Variants in DNAJC13 observed in about 807,000 individuals in gnomAD.
The protein encoded by DNAJC13 is DnaJ heat shock protein family (Hsp40) member C13.
In DNAJC13, 75 loss-of-function variants were observed where a neutral mutation model predicts 290.5. The ratio of observed to expected loss-of-function variants is 0.26; its 90% CI spans 0.21 to 0.31. The LOEUF is 0.31. DNAJC13 is among the 10% of genes least tolerant of loss of function. The pLI, the probability that DNAJC13 is intolerant of heterozygous loss-of-function variation, is 1.00. For missense variants in DNAJC13, 2,260 were observed against 2,674.5 expected (o/e 0.85, Z 3.42); for synonymous variants, 862 against 892.0 (o/e 0.97, Z 0.60).
intron 1 of DNAJC13, 61 bp from the exon 2 acceptor site, chr3:132,434,477 A>G: frequency 1.6e-6 from 2 of 1,214,354 alleles, no homozygotes; most frequent in Non-Finnish European, 2.3e-6. Context: ...TCTTAGGGGA[A>G]TCTTGGAAAG....
At chr3:132,476,663 C>G (rs1253010114) in intron 22 of DNAJC13, among the ~76,000 whole-genome samples, 1 of 152,156 alleles carries the variant, frequency 6.6e-6, no homozygotes, top group Non-Finnish European at 1.5e-5. Flanking sequence ...TCCTACTCCT[C>G]CCTCTCTCAC....
intron 22 of DNAJC13, among the ~76,000 whole-genome samples, chr3:132,476,402 C>A (rs867816683): frequency 1.3e-5 from 2 of 152,248 alleles, no homozygotes; most frequent in Admixed American, 6.5e-5. Context: ...CCATACAGTG[C>A]ACCTTCAAAA....
At position 132,461,187 on chromosome 3, in the gene DNAJC13, C is replaced by G. The variant is rs139887434; in HGVS notation, c.1695C>G (p.Thr565=). 99 of 1,613,882 alleles carry G rather than the reference C, an allele frequency of 6.1e-5. No individual in the cohort carries two copies. The East Asian group carries it at 8.7e-4, about 14-fold the overall frequency. Residue 565 remains threonine (T), a synonymous_variant, in exon 15 of 56, where the codon ACC becomes ACG. Transcript: ENST00000260818. ...LLEMVASNGR[T]LFKLFQHPSM... ...AGATGGTAGCATCCAATGGAAGAAC[C>G]CTTTTTAAACTTTTTCAGGTGAGAG...
chr3:132,534,072 A>AT, intron 55 of DNAJC13, among the ~76,000 whole-genome samples: 1 of 152,070 alleles, frequency 6.6e-6, no homozygotes, highest in Non-Finnish European at 1.5e-5. Context: ...GGGGTATACA[A>AT]ATTTCTTCCC....
At chr3:132,520,670 TTAAA>T (rs1295141896) in intron 48 of DNAJC13, among the ~76,000 whole-genome samples, 4 of 152,190 alleles carry the variant, frequency 2.6e-5, no homozygotes, top group African/African-American at 7.2e-5. Context: ...GTAGGTTAGA[TTAAA>T]TAAATTTAGA....
At chr3:132,447,681 T>A (rs1172356173) in intron 4 of DNAJC13, among the ~76,000 whole-genome samples, 1 of 152,198 alleles carries the variant, frequency 6.6e-6, no homozygotes, top group African/African-American at 2.4e-5. Context: ...TAGTTTTTTT[T>A]AATTGCATAT....
At chr3:132,480,572 T>C (rs982610080) in intron 26 of DNAJC13, 102 bp downstream of exon 26, 2 of 840,492 alleles carry the variant, frequency 2.4e-6, no homozygotes. Flanking sequence ...CACACACTTA[T>C]TTTTCCAGTA....
chr3:132,488,581 T>C (rs1296441040), intron 30 of DNAJC13, 129 bp downstream of exon 30: 3 of 968,314 alleles, frequency 3.1e-6, no homozygotes, highest in Admixed American at 3.2e-5. Context: ...TTTAAGTACA[T>C]GTCTAAAGAG....
rs143821371 is a variant in DNAJC13 at position 132,524,360 on chromosome 3, A to G, written c.6060+647A>G. On this transcript the variant is annotated intron_variant, in intron 51 of 55. Coordinates refer to ENST00000260818, the MANE Select transcript of DNAJC13 (RefSeq NM_015268.4). ...TGTTTAAACAGGCTGGCTACAGAAT[A>G]AGGTGATTAAGAGCCTGAGTGGTGT... 2.0e-3 allele frequency among the ~76,000 whole-genome samples: 311 copies of G among 152,354 alleles called. 2 individuals are homozygous for G. The Middle Eastern group carries it at 0.037, about 18-fold the overall frequency.
chr3:132,523,299 C>T (rs745893908), intron 50 of DNAJC13, 100 bp downstream of exon 50: 3 of 1,389,560 alleles, frequency 2.2e-6, no homozygotes, highest in East Asian at 2.4e-5. Context: ...ACTTTGTCAT[C>T]AAGACTCTTG....
chr3:132,498,399 A>G (rs1434925017), intron 36 of DNAJC13, among the ~76,000 whole-genome samples: 1 of 152,174 alleles, frequency 6.6e-6, no homozygotes, highest in Non-Finnish European at 1.5e-5. Flanking sequence ...AAAGATGTGC[A>G]TATAATTGAT....
intron 5 of DNAJC13, among the ~76,000 whole-genome samples, chr3:132,450,115 G>A (rs147429621): frequency 6.6e-6 from 1 of 151,078 alleles, no homozygotes; most frequent in Admixed American, 6.6e-5. Context: ...TTCCAGTTGT[G>A]TGATTAGAAA....
intron 6 of DNAJC13, 115 bp from the exon 7 acceptor site, chr3:132,453,183 C>G (rs1933471991): frequency 4.6e-6 from 4 of 866,798 alleles, no homozygotes; most frequent in Non-Finnish European, 7.0e-6. Context: ...GCCTCTAATA[C>G]CTACCTCTTT....
chr3:132,536,195 G>A (rs1411470102), intron 55 of DNAJC13, among the ~76,000 whole-genome samples: 2 of 152,148 alleles, frequency 1.3e-5, no homozygotes, highest in Non-Finnish European at 2.9e-5. Flanking sequence ...AGCAGATGGC[G>A]CTGTGTTTCA....
chr3:132,471,340 G>A (rs1281424011), intron 20 of DNAJC13, among the ~76,000 whole-genome samples: 1 of 143,710 alleles, frequency 7.0e-6, no homozygotes, highest in Non-Finnish European at 1.5e-5. Context: ...CCGGGCGGGG[G>A]GTTGACCCCC....
intron 1 of DNAJC13, among the ~76,000 whole-genome samples, chr3:132,418,777 A>G (rs1315467195): frequency 6.6e-6 from 1 of 152,080 alleles, no homozygotes; most frequent in East Asian, 1.9e-4. Context: ...TTCTTACTAT[A>G]TTTTCTTTCT....
At chr3:132,511,007 T>G in intron 43 of DNAJC13, 60 bp from the exon 44 acceptor site, 1 of 1,551,922 alleles carries the variant, frequency 6.4e-7, no homozygotes, top group Non-Finnish European at 8.8e-7. Flanking sequence ...TTCTTTCTTT[T>G]GCTATGGAGT....
intron 20 of DNAJC13, chr3:132,472,621 A>G: frequency 2.0e-6 from 2 of 979,934 alleles, no homozygotes; most frequent in Middle Eastern, 5.2e-4. Context: ...GCTGCCTGGC[A>G]TGTGGAGTCA....
At chr3:132,426,820 A>G (rs977650455) in intron 1 of DNAJC13, among the ~76,000 whole-genome samples, 6 of 152,032 alleles carry the variant, frequency 3.9e-5, no homozygotes, top group Admixed American at 1.3e-4. Flanking sequence ...TTCTCAAGCC[A>G]TAGTTAATTT....
Sources: allele counts gnomAD v4.1 joint callset (sites outside exome capture counted in the v4.1 genomes callset), GRCh38; gene constraint gnomAD v4.1.1; transcripts MANE v1.5; gene names NCBI Gene and HGNC (gene_info 2026-07-23, HGNC 2026-07-21).